The following TRIM14 variants were observed in gnomAD, a reference collection of about 807,000 sequenced individuals.
TRIM14 encodes the protein tripartite motif-containing protein 14.
In TRIM14, 28 loss-of-function variants were observed where a neutral mutation model predicts 44.5. The observed-to-expected ratio is 0.63, with a 90% confidence interval of 0.47 to 0.86. The LOEUF (loss-of-function observed/expected upper bound fraction) is 0.86, where lower values mean the gene tolerates loss of function less well. Among genes scored for constraint, TRIM14 ranks in the 40% least tolerant of loss-of-function variants. TRIM14 has a pLI of 0.00. For missense variants in TRIM14, 607 were observed against 611.1 expected (o/e 0.99, Z 0.07); for synonymous variants, 299 against 269.2 (o/e 1.11, Z -1.08).
chr9:98,087,771 G>T lies in TRIM14; in HGVS notation c.1028C>A (p.Ser343Tyr). Reference protein sequence around the residue: ...AGWWVGAAYASLRRRGASAAA... With the variant: ...AGWWVGAAYAYLRRRGASAAA... ...GGCCGAGGCCCCGCGGCGCCGAAGG[G>T]AGGCGTAGGCCGCGCCCACCCACCA... is the stretch of plus-strand genomic sequence containing the variant. Residue 343 changes from serine (S) to tyrosine (Y), a missense_variant, in exon 6 of 6, where the codon TCC becomes TAC. Coordinates refer to ENST00000341469, the MANE Select transcript of TRIM14 (RefSeq NM_014788.4). 6.5e-7 allele frequency: 1 copy of T among 1,528,888 alleles called. No homozygotes were observed. The highest frequency in any genetic ancestry group is 1.2e-5 in the South Asian group (1 of 81,956). 94.7% of individuals were successfully genotyped at this position (1,528,888 alleles called of 1,614,324 possible).
the TRIM14 span, chr9:98,056,640 T>G: frequency 9.7e-7 from 1 of 1,027,344 alleles, no homozygotes. Context: ...CCCGATTGGC[T>G]GTCGGGAGAG....
At chr9:98,038,833 G>T in the TRIM14 span, among the ~76,000 whole-genome samples, 3 of 151,880 alleles carry the variant, frequency 2.0e-5, no homozygotes, top group East Asian at 5.8e-4. Context: ...GGCGGATTAT[G>T]AGGTCAGGAG....
At chr9:98,061,551 A>C in the TRIM14 span, among the ~76,000 whole-genome samples, 1 of 149,598 alleles carries the variant, frequency 6.7e-6, no homozygotes, top group Non-Finnish European at 1.5e-5. Flanking sequence ...GGAGGCTGAG[A>C]CAGGCAGGTC....
At chr9:98,047,843 G>A in the TRIM14 span, among the ~76,000 whole-genome samples, 2 of 151,994 alleles carry the variant, frequency 1.3e-5, no homozygotes, top group Non-Finnish European at 2.9e-5. Flanking sequence ...AAGGCAGGTG[G>A]ATCACAAGGT....
At chr9:98,040,472 C>A in the TRIM14 span, among the ~76,000 whole-genome samples, 1 of 151,580 alleles carries the variant, frequency 6.6e-6, no homozygotes, top group Non-Finnish European at 1.5e-5. Flanking sequence ...TCTCCCAGGG[C>A]AGCTGCACCT....
At chr9:98,099,536 C>G (rs1364685555) in intron 3 of TRIM14, among the ~76,000 whole-genome samples, 3 of 150,974 alleles carry the variant, frequency 2.0e-5, no homozygotes, top group Non-Finnish European at 4.4e-5. Flanking sequence ...CAGACCTAGA[C>G]AGACAGCCAG....
Position 98,091,938 on chromosome 9 carries a change from GGGCTGGTTTTCAACAAGGTACCT to G in TRIM14, c.741_763del (p.Gly248LeufsTer19). The G allele has an allele frequency of 2.5e-6, 4 of 1,610,688 alleles. No homozygotes were observed. The highest frequency in any genetic ancestry group is 3.4e-6 in the Non-Finnish European group (4 of 1,177,584). On this transcript the variant is annotated frameshift_variant, in exon 5 of 6. Coordinates refer to ENST00000341469, the MANE Select transcript of TRIM14 (RefSeq NM_014788.4). LOFTEE classifies it high-confidence loss of function. ...CAGCAATAGCGATCGCTCTGGTGAGGGGCTGGTTTTCAACAAGGTACCTGGCTTGGTGCTGGAAGGGTCTGAGA... is the reference window on the plus strand; with the variant it reads ...CAGCAATAGCGATCGCTCTGGTGAGGGGCTTGGTGCTGGAAGGGTCTGAGA...
the TRIM14 span, among the ~76,000 whole-genome samples, chr9:98,041,563 C>T: frequency 6.6e-6 from 1 of 151,862 alleles, no homozygotes; most frequent in Admixed American, 6.6e-5. Flanking sequence ...ATGATCTTGG[C>T]TCACTGTAAC....
the TRIM14 span, among the ~76,000 whole-genome samples, chr9:98,053,138 C>T: frequency 6.6e-6 from 1 of 152,206 alleles, no homozygotes; most frequent in African/African-American, 2.4e-5. Flanking sequence ...AAGAATTGAA[C>T]CTGGGCCACC....
At chr9:98,082,565 T>C (rs1829920888), downstream of TRIM14, among the ~76,000 whole-genome samples, 1 of 152,240 alleles carries the variant, frequency 6.6e-6, no homozygotes, top group Admixed American at 6.5e-5. Flanking sequence ...ACGTGGCCTA[T>C]ACCCCACAGA....
At chr9:98,089,714 T>C (rs563390709) in intron 5 of TRIM14, among the ~76,000 whole-genome samples, 2 of 152,306 alleles carry the variant, frequency 1.3e-5, no homozygotes, top group South Asian at 4.1e-4. Context: ...CTGCCCTCAA[T>C]GGCACCAGCT....
the TRIM14 span, among the ~76,000 whole-genome samples, chr9:98,060,121 T>A: frequency 6.6e-6 from 1 of 152,360 alleles, no homozygotes; most frequent in African/African-American, 2.4e-5. Context: ...GGTCCAGTGC[T>A]GAGTTGACTA....
At chr9:98,080,703 G>C, downstream of TRIM14, 2 of 1,220,896 alleles carry the variant, frequency 1.6e-6, no homozygotes, top group Non-Finnish European at 2.2e-6. Flanking sequence ...TCTTGCCCCT[G>C]GCTGCACAGC....
chr9:98,056,527 C>A, the TRIM14 span, among the ~76,000 whole-genome samples: 1 of 152,068 alleles, frequency 6.6e-6, no homozygotes, highest in Non-Finnish European at 1.5e-5. Context: ...CGAGACCACG[C>A]TCTGGGACAG....
At chr9:98,100,186 G>A (rs764844299) in intron 2 of TRIM14, 22 bp from the exon 3 acceptor site, 2 of 1,600,474 alleles carry the variant, frequency 1.2e-6, no homozygotes, top group East Asian at 4.5e-5. Context: ...AAAACCAGTT[G>A]CAGATGACAT....
downstream of TRIM14, among the ~76,000 whole-genome samples, chr9:98,066,770 C>A (rs1220435513): frequency 6.6e-6 from 1 of 152,040 alleles, no homozygotes; most frequent in Non-Finnish European, 1.5e-5. Flanking sequence ...CCTGCCTCAG[C>A]CTCCCGAGTA....
At chr9:98,082,475 T>C (rs532119211), downstream of TRIM14, among the ~76,000 whole-genome samples, 1 of 152,366 alleles carries the variant, frequency 6.6e-6, no homozygotes, top group South Asian at 2.1e-4. Flanking sequence ...GAGCATTCTA[T>C]GTTCCACGTA....
At position 98,093,986 on chromosome 9, in the gene TRIM14, C is replaced by T. The variant is rs548013128; in HGVS notation, c.700+881G>A. Among the ~76,000 whole-genome samples, 1,036 of 152,268 alleles carry T rather than the reference C, an allele frequency of 6.8e-3. 8 individuals carry two copies. The highest frequency in any genetic ancestry group is 9.5e-3 in the Non-Finnish European group (645 of 68,016). ...GTCTCAAACTCCTGACCTCATCATC[C>T]ACCCACCTCGGCCTCCCAAAGTGCT... On this transcript the variant is annotated intron_variant, in intron 4 of 5. Coordinates refer to ENST00000341469, the MANE Select transcript of TRIM14 (RefSeq NM_014788.4).
chr9:98,102,167 A>G (rs1218505597), intron 2 of TRIM14, among the ~76,000 whole-genome samples: 1 of 152,170 alleles, frequency 6.6e-6, no homozygotes, highest in Non-Finnish European at 1.5e-5. Flanking sequence ...CTCAACTCAC[A>G]GTCCACCTGC....
Sources: allele counts gnomAD v4.1 joint callset (sites outside exome capture counted in the v4.1 genomes callset), GRCh38; gene constraint gnomAD v4.1.1; transcripts MANE v1.5; gene names NCBI Gene and HGNC (gene_info 2026-07-23, HGNC 2026-07-21).